Variants in VPS13B observed in about 807,000 individuals in gnomAD.
The protein encoded by VPS13B is intermembrane lipid transfer protein VPS13B.
VPS13B carries 285 observed loss-of-function variants against 426.4 expected under a neutral mutation model. The ratio of observed to expected loss-of-function variants is 0.67; its 90% CI spans 0.61 to 0.74. The LOEUF (loss-of-function observed/expected upper bound fraction) is 0.74, where lower values mean the gene tolerates loss of function less well. Ranked by LOEUF, VPS13B falls within the 30% of genes least tolerant of loss-of-function variation. The probability of loss-of-function intolerance (pLI) is 0.00; values close to 1 mark genes in which losing one functional copy is unlikely to be tolerated. For synonymous variants in VPS13B, 1,676 were observed against 1,676.4 expected, an observed-to-expected ratio of 1.00 and a Z score of 0.01; for missense variants, 4,537 against 4,782.6, an observed-to-expected ratio of 0.95 and a Z score of 1.51.
intron 17 of VPS13B, among the ~76,000 whole-genome samples, chr8:99,253,272 C>G (rs1413785356): frequency 3.3e-5 from 5 of 152,034 alleles, no homozygotes; most frequent in African/African-American, 9.7e-5. Context: ...CACTTTTTGG[C>G]TATTAGAAAT....
intron 22 of VPS13B, among the ~76,000 whole-genome samples, chr8:99,438,698 A>G (rs1040582641): frequency 5.3e-5 from 8 of 152,188 alleles, no homozygotes; most frequent in African/African-American, 1.9e-4. Flanking sequence ...TCTACTACAT[A>G]TGATGATATC....
chr8:99,401,908 T>A (rs1000240838), intron 21 of VPS13B, among the ~76,000 whole-genome samples: 1 of 152,044 alleles, frequency 6.6e-6, no homozygotes, highest in Non-Finnish European at 1.5e-5. Context: ...CATTTTTAGA[T>A]GAAAGTTAGT....
At chr8:99,360,804 T>C (rs1588291788) in intron 19 of VPS13B, among the ~76,000 whole-genome samples, 1 of 152,342 alleles carries the variant, frequency 6.6e-6, no homozygotes, top group African/African-American at 2.4e-5. Flanking sequence ...TTATGATATG[T>C]AAGTTAAGTT....
At chr8:99,765,194 G>A (rs1189008650) in intron 39 of VPS13B, among the ~76,000 whole-genome samples, 2 of 152,158 alleles carry the variant, frequency 1.3e-5, no homozygotes, top group Non-Finnish European at 2.9e-5. Flanking sequence ...GCAGTGAGCT[G>A]AGATCGTACC....
At chr8:99,068,573 GA>G (rs1335603277) in intron 3 of VPS13B, among the ~76,000 whole-genome samples, 1 of 152,184 alleles carries the variant, frequency 6.6e-6, no homozygotes, top group Non-Finnish European at 1.5e-5. Context: ...CACTGCTATA[GA>G]GAACTACCTC....
chr8:99,750,793 G>A (rs1810354268), intron 39 of VPS13B, among the ~76,000 whole-genome samples: 1 of 152,086 alleles, frequency 6.6e-6, no homozygotes, highest in South Asian at 2.1e-4. Context: ...GGGTGTTTTG[G>A]GAATTCAGAA....
intron 17 of VPS13B, among the ~76,000 whole-genome samples, chr8:99,219,443 C>T (rs536791324): frequency 1.4e-4 from 22 of 152,320 alleles, no homozygotes; most frequent in South Asian, 4.2e-4. Context: ...TAAAGTTTCT[C>T]CCCAAGGGAT....
chr8:99,199,717 C>T (rs571730987), intron 17 of VPS13B, among the ~76,000 whole-genome samples: 30 of 152,070 alleles, frequency 2.0e-4, no homozygotes, highest in African/African-American at 7.0e-4. Flanking sequence ...AGTCTTTTTC[C>T]TTTAATTTAA....
At chr8:99,253,936 T>G (rs1817627681) in intron 17 of VPS13B, among the ~76,000 whole-genome samples, 1 of 152,222 alleles carries the variant, frequency 6.6e-6, no homozygotes, top group Non-Finnish European at 1.5e-5. Flanking sequence ...TATTTCACAT[T>G]TCTAACTCAT....
At chr8:99,817,459 T>G in intron 44 of VPS13B, 81 bp from the exon 45 acceptor site, 2 of 1,538,182 alleles carry the variant, frequency 1.3e-6, no homozygotes, top group Non-Finnish European at 1.8e-6. Flanking sequence ...ATCAACATAG[T>G]TTACTCTGTT....
rs559690973 is a variant in VPS13B at position 99,654,117 on chromosome 8, C to T, written c.5909-7237C>T. On this transcript the variant is annotated intron_variant, in intron 34 of 61. Coordinates refer to ENST00000357162, the MANE Select transcript of VPS13B (RefSeq NM_152564.5). Reference sequence around the variant, plus strand: ...AGGCTGGAGTGCAGTGGCGCGATCTCGGCTCACTGCAAGCTCTGCCTCCCG... The same window carrying T: ...AGGCTGGAGTGCAGTGGCGCGATCTTGGCTCACTGCAAGCTCTGCCTCCCG... 8.0e-4 allele frequency among the ~76,000 whole-genome samples: 121 copies of T among 151,990 alleles called. 2 individuals carry two copies. In the South Asian group the frequency reaches 0.024, roughly 30 times the overall value.
chr8:99,571,612 T>A (rs1252944354), intron 31 of VPS13B, among the ~76,000 whole-genome samples: 1 of 152,134 alleles, frequency 6.6e-6, no homozygotes, highest in Non-Finnish European at 1.5e-5. Context: ...TAGTGTTTGC[T>A]CTTATTTGGT....
intron 3 of VPS13B, among the ~76,000 whole-genome samples, chr8:99,080,071 A>G (rs1845360508): frequency 1.3e-5 from 2 of 150,804 alleles, no homozygotes; most frequent in Admixed American, 6.6e-5. Context: ...CATATAAATT[A>G]TATATAACAT....
intron 3 of VPS13B, among the ~76,000 whole-genome samples, chr8:99,094,716 C>G (rs183281715): frequency 2.5e-4 from 38 of 152,204 alleles, no homozygotes; most frequent in African/African-American, 7.2e-4. Flanking sequence ...TTCTTATTTG[C>G]CTCTAGTACC....
chr8:99,766,707 G>A, intron 39 of VPS13B, 67 bp from the exon 40 acceptor site: 1 of 1,370,742 alleles, frequency 7.3e-7, no homozygotes. Context: ...GGTTTAATTT[G>A]AATTTCAACA....
At chr8:99,774,120 C>T in intron 40 of VPS13B, among the ~76,000 whole-genome samples, 1 of 152,128 alleles carries the variant, frequency 6.6e-6, no homozygotes, top group Non-Finnish European at 1.5e-5. Flanking sequence ...ATATCAAAAA[C>T]TATAAATGTG....
intron 3 of VPS13B, among the ~76,000 whole-genome samples, chr8:99,088,859 A>G (rs1845986825): frequency 6.6e-6 from 1 of 152,168 alleles, no homozygotes; most frequent in African/African-American, 2.4e-5. Flanking sequence ...GCTATCCATT[A>G]TCATTTCAGT....
intron 3 of VPS13B, among the ~76,000 whole-genome samples, chr8:99,072,293 G>A (rs185654870): frequency 1.3e-5 from 2 of 152,224 alleles, no homozygotes; most frequent in African/African-American, 4.8e-5. Flanking sequence ...TAGTCAGCGC[G>A]TTATGAATCC....
At chr8:99,576,627 A>G (rs1825788174) in intron 32 of VPS13B, among the ~76,000 whole-genome samples, 2 of 152,156 alleles carry the variant, frequency 1.3e-5, no homozygotes, top group Non-Finnish European at 2.9e-5. Flanking sequence ...GGATGATACT[A>G]TAAGGGGAAG....
Sources: allele counts gnomAD v4.1 joint callset (sites outside exome capture counted in the v4.1 genomes callset), GRCh38; gene constraint gnomAD v4.1.1; transcripts MANE v1.5; gene names NCBI Gene and HGNC (gene_info 2026-07-23, HGNC 2026-07-21).